Variants in ACTR3C observed in about 807,000 individuals in gnomAD.
ACTR3C encodes the protein actin related protein 3C.
In ACTR3C, 18 loss-of-function variants were observed where a neutral mutation model predicts 26.3. The observed-to-expected ratio is 0.68, with a 90% CI of 0.47 to 1.01. The LOEUF (loss-of-function observed/expected upper bound fraction) is 1.01. Ranked by LOEUF, ACTR3C falls within the 50% of genes least tolerant of loss-of-function variation. ACTR3C has a pLI of 0.00. For missense variants in ACTR3C, 184 were observed against 250.7 expected (o/e 0.73, Z 1.80); for synonymous variants, 55 against 94.5 (o/e 0.58, Z 2.42).
At chr7:150,199,688 T>TAA in the ACTR3C span, among the ~76,000 whole-genome samples, 86 of 36,350 alleles carry the variant, frequency 2.4e-3, 2 homozygotes, top group African/African-American at 7.1e-3. Flanking sequence ...ACAAGAAAAG[T>TAA]AAAAAAAAAA....
chr7:150,237,909 T>C, the ACTR3C span, among the ~76,000 whole-genome samples: 180 of 149,748 alleles, frequency 1.2e-3, 1 homozygote, highest in African/African-American at 4.3e-3. Context: ...CAGGTTATTT[T>C]CCCTAATCAA....
At chr7:150,064,511 A>G in the ACTR3C span, among the ~76,000 whole-genome samples, 2 of 150,822 alleles carry the variant, frequency 1.3e-5, no homozygotes, top group Admixed American at 1.3e-4. Flanking sequence ...GTTGCAGTAC[A>G]CTGAGATCAC....
At chr7:149,964,354 G>A in the ACTR3C span, among the ~76,000 whole-genome samples, 4 of 152,222 alleles carry the variant, frequency 2.6e-5, no homozygotes, top group South Asian at 2.1e-4. Context: ...GAAAGAATGG[G>A]AAGAGAGATC....
At chr7:150,167,442 T>C in the ACTR3C span, among the ~76,000 whole-genome samples, 30 of 151,072 alleles carry the variant, frequency 2.0e-4, 3 homozygotes, top group African/African-American at 6.9e-4. Context: ...TTATCTAAAT[T>C]ACAAATGCAT....
downstream of ACTR3C, among the ~76,000 whole-genome samples, chr7:150,242,336 A>G (rs1192659964): frequency 6.7e-6 from 1 of 149,884 alleles, no homozygotes; most frequent in Non-Finnish European, 1.5e-5. Flanking sequence ...CATGAACTGT[A>G]CAATCTACAG....
At chr7:150,180,581 C>T in the ACTR3C span, among the ~76,000 whole-genome samples, 3 of 144,550 alleles carry the variant, frequency 2.1e-5, no homozygotes, top group East Asian at 4.0e-4. Flanking sequence ...GGCGCGGTCT[C>T]GGCTCACTGC....
chr7:150,277,807 G>A lies in ACTR3C; in HGVS notation c.564+6946C>T, dbSNP rs180935870. ...AATACAGGCACTGTCCTGCCTCTGC[G>A]TGGTTCTACAGTGGCCTTCCTAAAT... is the stretch of plus-strand genomic sequence containing the variant. On this transcript the variant is annotated intron_variant, in intron 6 of 7. Coordinates refer to ENST00000683684, the MANE Select transcript of ACTR3C (RefSeq NM_001164458.2). Among the ~76,000 whole-genome samples the A allele has an allele frequency of 3.3e-5, 5 of 152,242 alleles. No individual in the cohort carries two copies. The East Asian group carries it at 5.8e-4, about 18-fold the overall frequency.
At chr7:150,134,648 C>G in the ACTR3C span, among the ~76,000 whole-genome samples, 4 of 152,414 alleles carry the variant, frequency 2.6e-5, no homozygotes, top group Admixed American at 1.3e-4. Context: ...AGAAGCTTTT[C>G]GACGCCACCA....
chr7:150,063,965 G>A, the ACTR3C span, among the ~76,000 whole-genome samples: 1 of 151,784 alleles, frequency 6.6e-6, no homozygotes, highest in Non-Finnish European at 1.5e-5. Flanking sequence ...AGTTTTGCTT[G>A]GAAATCCCAC....
the ACTR3C span, among the ~76,000 whole-genome samples, chr7:150,135,304 A>T: frequency 1.2e-4 from 19 of 152,188 alleles, no homozygotes; most frequent in African/African-American, 4.1e-4. Flanking sequence ...AAATAAAAAG[A>T]ATTAGTGCAT....
At chr7:150,292,985 C>T (rs1180817836) in intron 3 of ACTR3C, among the ~76,000 whole-genome samples, 8 of 152,212 alleles carry the variant, frequency 5.3e-5, no homozygotes, top group African/African-American at 1.9e-4. Flanking sequence ...GTTGATGTTA[C>T]ACCCACGGGG....
the ACTR3C span, among the ~76,000 whole-genome samples, chr7:150,152,285 A>G: frequency 1.3e-4 from 20 of 152,096 alleles, no homozygotes; most frequent in African/African-American, 4.6e-4. Context: ...TTTGTCATAG[A>G]TAGCTCTTAT....
the ACTR3C span, among the ~76,000 whole-genome samples, chr7:150,014,957 C>G: frequency 2.0e-5 from 3 of 152,124 alleles, no homozygotes; most frequent in African/African-American, 7.2e-5. Context: ...TCCACCTTTC[C>G]CTGGATTTTG....
At chr7:150,008,095 G>A in the ACTR3C span, among the ~76,000 whole-genome samples, 14 of 152,264 alleles carry the variant, frequency 9.2e-5, no homozygotes, top group South Asian at 4.1e-4. Context: ...CGCATTCCAC[G>A]TTTTGAACAC....
intron 1 of ACTR3C, among the ~76,000 whole-genome samples, chr7:150,299,480 A>AC (rs1379386864): frequency 2.7e-5 from 4 of 147,688 alleles, no homozygotes; most frequent in Non-Finnish European, 3.0e-5. Flanking sequence ...AAAAAAAAAA[A>AC]AAAAAAAAAA....
the ACTR3C span, among the ~76,000 whole-genome samples, chr7:150,165,600 T>G: frequency 1.3e-5 from 2 of 152,174 alleles, no homozygotes; most frequent in Admixed American, 1.3e-4. Flanking sequence ...GCTCCTCTGT[T>G]GCCACTTAAT....
At chr7:150,021,465 AATTT>A in the ACTR3C span, among the ~76,000 whole-genome samples, 2 of 148,298 alleles carry the variant, frequency 1.3e-5, no homozygotes, top group African/African-American at 5.1e-5. Context: ...CTTTTTTAAA[AATTT>A]ATTTTATGTT....
At chr7:150,289,264 C>A (rs189615840) in intron 4 of ACTR3C, among the ~76,000 whole-genome samples, 186 bp downstream of exon 4, 1 of 151,930 alleles carries the variant, frequency 6.6e-6, no homozygotes, top group East Asian at 1.9e-4. Flanking sequence ...AACCTCAGAG[C>A]ATCTAGTTTG....
chr7:149,909,218 A>C, the ACTR3C span, among the ~76,000 whole-genome samples: 1 of 151,040 alleles, frequency 6.6e-6, no homozygotes, highest in African/African-American at 2.5e-5. Flanking sequence ...CAAAAACAGA[A>C]TACTACTAAA....
Sources: allele counts gnomAD v4.1 joint callset (sites outside exome capture counted in the v4.1 genomes callset), GRCh38; gene constraint gnomAD v4.1.1; transcripts MANE v1.5; gene names NCBI Gene and HGNC (gene_info 2026-07-23, HGNC 2026-07-21).